Variants in DCAF6 observed in about 807,000 individuals in gnomAD.
The protein encoded by DCAF6 is DDB1 and CUL4 associated factor 6.
Under a neutral mutation model 125.1 loss-of-function variants are expected in DCAF6, and 54 were observed. That is an observed-to-expected ratio of 0.43 (90% CI 0.35 to 0.54). DCAF6 has a LOEUF of 0.54. Ranked by LOEUF, DCAF6 falls within the 20% of genes least tolerant of loss-of-function variation. DCAF6 has a pLI of 0.01. For synonymous variants in DCAF6, 371 were observed against 390.4 expected, an observed-to-expected ratio of 0.95 and a Z score of 0.58; for missense variants, 934 against 1,161.7, an observed-to-expected ratio of 0.80 and a Z score of 2.85.
At chr1:167,937,348 C>T in intron 1 of DCAF6, 1 of 276,754 alleles carries the variant, frequency 3.6e-6, no homozygotes, top group Non-Finnish European at 7.3e-6. Context: ...CAAAAGTTAG[C>T]TCTTTTGCTC....
At chr1:167,865,883 C>G in the DCAF6 span, among the ~76,000 whole-genome samples, 1 of 152,190 alleles carries the variant, frequency 6.6e-6, no homozygotes, top group Non-Finnish European at 1.5e-5. Flanking sequence ...CATGGTAGCT[C>G]TTTTCCAGGA....
the DCAF6 span, chr1:167,875,002 T>A: frequency 1.2e-6 from 1 of 860,278 alleles, no homozygotes; most frequent in Non-Finnish European, 1.9e-6. Flanking sequence ...TTCTATTTCT[T>A]AACCTGGATG....
chr1:167,989,107 C>CG (rs1349426866), intron 5 of DCAF6, among the ~76,000 whole-genome samples: 2 of 152,034 alleles, frequency 1.3e-5, no homozygotes, highest in Non-Finnish European at 2.9e-5. Flanking sequence ...ACAAAAAAAC[C>CG]TTTAAACATA....
chr1:167,954,856 C>G (rs1674526521), intron 2 of DCAF6, among the ~76,000 whole-genome samples: 1 of 152,192 alleles, frequency 6.6e-6, no homozygotes, highest in Non-Finnish European at 1.5e-5. Context: ...AAAGTCATCA[C>G]CACATTCATG....
chr1:167,899,960 T>C, the DCAF6 span, among the ~76,000 whole-genome samples: 4 of 152,216 alleles, frequency 2.6e-5, no homozygotes, highest in African/African-American at 9.6e-5. Context: ...TAATAATTCT[T>C]ATTTTGGGAG....
the DCAF6 span, among the ~76,000 whole-genome samples, chr1:167,875,894 A>G: frequency 6.6e-6 from 1 of 152,060 alleles, no homozygotes; most frequent in Non-Finnish European, 1.5e-5. Flanking sequence ...GGGAGCTTGC[A>G]GTGAGCCGAG....
chr1:168,016,660 G>T (rs1346413520), intron 11 of DCAF6, among the ~76,000 whole-genome samples: 3 of 151,874 alleles, frequency 2.0e-5, no homozygotes, highest in Non-Finnish European at 2.9e-5. Context: ...ATAAACATTT[G>T]TTAAAAGAAT....
chr1:167,899,613 T>C, the DCAF6 span: 7 of 1,613,948 alleles, frequency 4.3e-6, no homozygotes, highest in Non-Finnish European at 3.4e-6. Flanking sequence ...CATGCTGATG[T>C]GGCCAGCAGC....
intron 2 of DCAF6, among the ~76,000 whole-genome samples, chr1:167,952,984 C>G (rs60343684): frequency 0.017 from 2,528 of 152,140 alleles, 64 homozygotes; most frequent in African/African-American, 0.058. Flanking sequence ...GCTGAAGATC[C>G]ACCTTGCTGA....
At chr1:167,904,112 G>C in the DCAF6 span, 1 of 589,816 alleles carries the variant, frequency 1.7e-6, no homozygotes. Flanking sequence ...TTTTGAGACA[G>C]AGTCTTGCTT....
chr1:168,059,491 A>G (rs1691314992), intron 17 of DCAF6, among the ~76,000 whole-genome samples: 3 of 152,182 alleles, frequency 2.0e-5, no homozygotes, highest in African/African-American at 2.4e-5. Context: ...GATCTTGGCT[A>G]TTCTTTGTCC....
chr1:168,069,573 G>C (rs1006991285), intron 21 of DCAF6, among the ~76,000 whole-genome samples: 1 of 152,192 alleles, frequency 6.6e-6, no homozygotes, highest in Non-Finnish European at 1.5e-5. Context: ...TCCACAGAAA[G>C]TAGACAGCGT....
intron 17 of DCAF6, among the ~76,000 whole-genome samples, chr1:168,058,528 C>G (rs1045498100): frequency 6.6e-5 from 10 of 152,030 alleles, no homozygotes; most frequent in African/African-American, 2.4e-4. Context: ...TAAGATTATG[C>G]ATCTCATGTT....
chr1:167,864,503 A>G, the DCAF6 span, among the ~76,000 whole-genome samples: 1 of 152,134 alleles, frequency 6.6e-6, no homozygotes, highest in Non-Finnish European at 1.5e-5. Context: ...AGACAATTAC[A>G]GCTGGTTTTA....
At chr1:167,913,525 G>T in the DCAF6 span, among the ~76,000 whole-genome samples, 507 of 152,242 alleles carry the variant, frequency 3.3e-3, no homozygotes, top group Non-Finnish European at 5.6e-3. Context: ...ACACTTAAGT[G>T]GCTTATTTCC....
rs1007091296 is a variant in DCAF6 at position 168,038,474 on chromosome 1, C to T, written c.1713C>T (p.Asn571=). The change falls in exon 13 of 22, where the codon AAC becomes AAT. Residue 571 remains asparagine, a synonymous_variant. Transcript: ENST00000367840. ...CAACTACAAGCACAATAAAACTGAA[C>T]TTTACAGATGAATGGTAAGTTAATA... is the stretch of plus-strand genomic sequence containing the variant. ...EGTTTSTIKL[N]FTDEWSSIAS... is the part of the protein sequence containing the mutation. 1.2e-5 allele frequency: 19 copies of T among 1,596,126 alleles called. No homozygotes were observed. In the Middle Eastern group the frequency reaches 9.9e-4, roughly 84 times the overall value.
chr1:167,903,526 T>C, the DCAF6 span, among the ~76,000 whole-genome samples: 2 of 152,288 alleles, frequency 1.3e-5, no homozygotes, highest in East Asian at 3.9e-4. Flanking sequence ...ATTGTGCCAC[T>C]GCACTCCAGC....
chr1:167,867,929 G>GC, the DCAF6 span, among the ~76,000 whole-genome samples: 1 of 152,132 alleles, frequency 6.6e-6, no homozygotes, highest in Non-Finnish European at 1.5e-5. Flanking sequence ...GGAGAAGGCA[G>GC]CCCCTCCTGT....
chr1:167,930,132 T>G, the DCAF6 span, among the ~76,000 whole-genome samples: 1 of 152,192 alleles, frequency 6.6e-6, no homozygotes, highest in Admixed American at 6.5e-5. Context: ...AGCCATATAA[T>G]TTTAATATTT....
Sources: allele counts gnomAD v4.1 joint callset (sites outside exome capture counted in the v4.1 genomes callset), GRCh38; gene constraint gnomAD v4.1.1; transcripts MANE v1.5; gene names NCBI Gene and HGNC (gene_info 2026-07-23, HGNC 2026-07-21).